The following CNTNAP5 variants were observed in gnomAD, a reference collection of about 807,000 sequenced individuals.
CNTNAP5 encodes the protein contactin-associated protein-like 5.
Under a neutral mutation model 150.2 loss-of-function variants are expected in CNTNAP5, and 72 were observed. The ratio of observed to expected loss-of-function variants is 0.48; its 90% CI spans 0.40 to 0.58. The LOEUF (loss-of-function observed/expected upper bound fraction) is 0.58, where lower values mean the gene tolerates loss of function less well. Among genes scored for constraint, CNTNAP5 ranks in the 20% least tolerant of loss-of-function variants. The pLI is 0.00. For synonymous variants in CNTNAP5, 672 were observed against 619.8 expected, an observed-to-expected ratio of 1.08 and a Z score of -1.25; for missense variants, 1,636 against 1,626.2, an observed-to-expected ratio of 1.01 and a Z score of -0.10.
intron 21 of CNTNAP5, 31 bp from the exon 22 acceptor site, chr2:124,902,851 A>G: frequency 1.3e-6 from 2 of 1,524,720 alleles, no homozygotes; most frequent in Non-Finnish European, 1.8e-6. Flanking sequence ...CAAAAAAAGT[A>G]AAGGACTTCT....
At chr2:124,896,133 A>T (rs1019656389) in intron 21 of CNTNAP5, among the ~76,000 whole-genome samples, 1 of 151,610 alleles carries the variant, frequency 6.6e-6, no homozygotes, top group African/African-American at 2.4e-5. Flanking sequence ...GCAAAGTTGT[A>T]AGAAATATTA....
intron 13 of CNTNAP5, among the ~76,000 whole-genome samples, chr2:124,651,122 C>T (rs1013589775): frequency 2.0e-5 from 3 of 152,102 alleles, no homozygotes; most frequent in African/African-American, 4.8e-5. Context: ...GTGATAAGTG[C>T]AAAGGTGGGG....
chr2:124,521,630 C>T (rs1431356081), intron 8 of CNTNAP5, among the ~76,000 whole-genome samples: 2 of 152,200 alleles, frequency 1.3e-5, no homozygotes, highest in Non-Finnish European at 2.9e-5. Flanking sequence ...TCTACTGTAT[C>T]ACTGATGCCT....
chr2:124,102,398 C>T (rs1683084223), intron 1 of CNTNAP5, among the ~76,000 whole-genome samples: 1 of 152,154 alleles, frequency 6.6e-6, no homozygotes, highest in African/African-American at 2.4e-5. Flanking sequence ...GCTGATTTTG[C>T]AGATGAAAGG....
At chr2:124,602,866 C>A (rs1406443945) in intron 11 of CNTNAP5, among the ~76,000 whole-genome samples, 1 of 152,188 alleles carries the variant, frequency 6.6e-6, no homozygotes, top group Non-Finnish European at 1.5e-5. Flanking sequence ...GAACAACTCT[C>A]TAACACAGGA....
At chr2:124,707,541 A>G (rs1414465869) in intron 13 of CNTNAP5, among the ~76,000 whole-genome samples, 1 of 147,262 alleles carries the variant, frequency 6.8e-6, no homozygotes, top group East Asian at 1.9e-4. Flanking sequence ...TACTCCACCC[A>G]TCGCATCATT....
intron 1 of CNTNAP5, among the ~76,000 whole-genome samples, chr2:124,198,759 GT>G (rs879935507): frequency 8.3e-5 from 12 of 144,428 alleles, no homozygotes; most frequent in South Asian, 2.2e-4. Context: ...TATTTTTTAG[GT>G]TTTTTTTTTC....
chr2:124,772,154 A>G (rs1681214603), intron 16 of CNTNAP5, among the ~76,000 whole-genome samples: 1 of 152,096 alleles, frequency 6.6e-6, no homozygotes, highest in Admixed American at 6.6e-5. Flanking sequence ...TCATTTCACC[A>G]TCATCAGTAT....
chr2:124,906,257 G>A (rs973000916), intron 22 of CNTNAP5, among the ~76,000 whole-genome samples: 2 of 152,022 alleles, frequency 1.3e-5, no homozygotes, highest in African/African-American at 2.4e-5. Context: ...GATTTTTCTA[G>A]GATGCTTTTT....
chr2:124,372,200 T>C (rs563190641), intron 3 of CNTNAP5, among the ~76,000 whole-genome samples: 3 of 152,196 alleles, frequency 2.0e-5, no homozygotes, highest in Admixed American at 6.5e-5. Flanking sequence ...TCCAGGTTCT[T>C]TGATCTTTGG....
At chr2:124,738,860 A>G (rs539353913) in intron 13 of CNTNAP5, among the ~76,000 whole-genome samples, 6 of 152,218 alleles carry the variant, frequency 3.9e-5, no homozygotes, top group Non-Finnish European at 8.8e-5. Context: ...CATTTTGCTC[A>G]GTCATCGTGT....
chr2:124,111,620 C>T (rs1222243231), intron 1 of CNTNAP5, among the ~76,000 whole-genome samples: 1 of 152,140 alleles, frequency 6.6e-6, no homozygotes, highest in Non-Finnish European at 1.5e-5. Context: ...CACAGTACAA[C>T]TGAAACAAAA....
intron 1 of CNTNAP5, among the ~76,000 whole-genome samples, chr2:124,133,096 T>C (rs1197011712): frequency 6.6e-6 from 1 of 152,194 alleles, no homozygotes; most frequent in Non-Finnish European, 1.5e-5. Flanking sequence ...AAAATATCCC[T>C]GAGAAGAAAA....
At chr2:124,297,988 G>A (rs1688484065) in intron 3 of CNTNAP5, among the ~76,000 whole-genome samples, 1 of 151,910 alleles carries the variant, frequency 6.6e-6, no homozygotes, top group African/African-American at 2.4e-5. Flanking sequence ...GAGATTACAG[G>A]TGCTCACCAC....
chr2:124,228,372 C>A (rs779007215), intron 2 of CNTNAP5, among the ~76,000 whole-genome samples: 1 of 152,116 alleles, frequency 6.6e-6, no homozygotes, highest in Non-Finnish European at 1.5e-5. Flanking sequence ...TCCATAAACA[C>A]CCTCACAGAT....
intron 10 of CNTNAP5, among the ~76,000 whole-genome samples, chr2:124,544,040 G>C (rs1376596640): frequency 6.6e-6 from 1 of 151,762 alleles, no homozygotes; most frequent in East Asian, 1.9e-4. Flanking sequence ...TTACCAAGAA[G>C]GACACTGAGG....
At chr2:124,321,100 T>C (rs1689086521) in intron 3 of CNTNAP5, among the ~76,000 whole-genome samples, 1 of 152,276 alleles carries the variant, frequency 6.6e-6, no homozygotes, top group African/African-American at 2.4e-5. Flanking sequence ...GAAACAAGCT[T>C]ACCCCATTGT....
intron 3 of CNTNAP5, among the ~76,000 whole-genome samples, chr2:124,318,700 G>C (rs1283042602): frequency 6.6e-6 from 1 of 152,050 alleles, no homozygotes; most frequent in Non-Finnish European, 1.5e-5. Flanking sequence ...CAATATTTTA[G>C]CTCAATCCAA....
In CNTNAP5 at chr2:124,434,612, C is replaced by T. The variant is rs1341278970; in HGVS notation, c.658C>T (p.His220Tyr). ...KSMQGDGVLFHGEGQRGDHIT... is the reference protein window; with the variant it reads ...KSMQGDGVLFYGEGQRGDHIT... The stretch of plus-strand genomic sequence containing the variant: ...CATGCAAGGAGATGGGGTCCTGTTC[C>T]ATGGAGAAGGTCAGCGTGGAGACCA... Residue 220 changes from histidine (H) to tyrosine (Y), a missense_variant, in exon 5 of 24, where the codon CAT becomes TAT. Physicochemically the swap from His to Tyr is moderately conservative, Grantham distance 83 (BLOSUM62 2). Coordinates refer to ENST00000682447, the MANE Select transcript of CNTNAP5 (RefSeq NM_001367498.1). 2 of 1,613,898 alleles carry T rather than the reference C, an allele frequency of 1.2e-6. No individual in the cohort carries two copies. The highest frequency in any genetic ancestry group is 1.1e-5 in the South Asian group (1 of 91,084).
Sources: allele counts gnomAD v4.1 joint callset (sites outside exome capture counted in the v4.1 genomes callset), GRCh38; gene constraint gnomAD v4.1.1; transcripts MANE v1.5; gene names NCBI Gene and HGNC (gene_info 2026-07-23, HGNC 2026-07-21).